The following SLC39A9 variants were observed in gnomAD, a reference collection of about 807,000 sequenced individuals.
SLC39A9 encodes zinc transporter ZIP9.
In SLC39A9, 14 loss-of-function variants were observed where a neutral mutation model predicts 28.4. The ratio of observed to expected loss-of-function variants is 0.49; its 90% CI spans 0.33 to 0.77. The LOEUF (loss-of-function observed/expected upper bound fraction) is 0.77, where lower values mean the gene tolerates loss of function less well. Among genes scored for constraint, SLC39A9 ranks in the 30% least tolerant of loss-of-function variants. The pLI is 0.02. For missense variants in SLC39A9, 283 were observed against 381.1 expected, an observed-to-expected ratio of 0.74 and a Z score of 2.14; for synonymous variants, 119 against 149.6, an observed-to-expected ratio of 0.80 and a Z score of 1.49.
intron 2 of SLC39A9, among the ~76,000 whole-genome samples, chr14:69,440,127 A>C (rs370195625): frequency 6.6e-6 from 1 of 152,092 alleles, no homozygotes; most frequent in East Asian, 1.9e-4. Flanking sequence ...CTTAAAAACC[A>C]TCAGATCTTG....
intron 3 of SLC39A9, among the ~76,000 whole-genome samples, chr14:69,452,630 A>G: frequency 6.6e-6 from 1 of 152,092 alleles, no homozygotes; most frequent in Non-Finnish European, 1.5e-5. Context: ...GTGCCCGGCC[A>G]AGGGTGGTGT....
intron 1 of SLC39A9, among the ~76,000 whole-genome samples, chr14:69,421,001 T>C (rs977508414): frequency 4.6e-5 from 7 of 152,216 alleles, no homozygotes; most frequent in Admixed American, 4.6e-4. Context: ...TCTGTCAACT[T>C]GTCAAAGGAA....
chr14:69,421,864 G>A (rs994310877), intron 1 of SLC39A9, among the ~76,000 whole-genome samples: 16 of 152,152 alleles, frequency 1.1e-4, no homozygotes, highest in Admixed American at 5.9e-4. Context: ...TTGGAAAAGC[G>A]CAGTATTTGG....
intron 2 of SLC39A9, among the ~76,000 whole-genome samples, chr14:69,430,056 A>G (rs1377562055): frequency 6.6e-6 from 1 of 152,126 alleles, no homozygotes; most frequent in Non-Finnish European, 1.5e-5. Context: ...GAGTTTCCTT[A>G]TTACTGAGTT....
chr14:69,409,767 T>C (rs1019999383), intron 1 of SLC39A9, among the ~76,000 whole-genome samples: 2 of 152,246 alleles, frequency 1.3e-5, no homozygotes, highest in East Asian at 1.9e-4. Context: ...GTCTCAAGCA[T>C]TGAGTGTATT....
intron 1 of SLC39A9, among the ~76,000 whole-genome samples, chr14:69,405,090 GTCACAAGAACAGCAAGAACTCACTA>G (rs1378538502): frequency 1.3e-5 from 2 of 152,162 alleles, no homozygotes; most frequent in African/African-American, 2.4e-5. Context: ...AGAACTCACT[GTCACAAGAACAGCAAGAACTCACTA>G]TCACAAGAAC....
chr14:69,442,109 A>G lies in SLC39A9; in HGVS notation c.246A>G (p.Ala82=), dbSNP rs1885075695. The change falls in exon 3 of 7, where the codon GCA becomes GCG. Residue 82 remains alanine (A), a synonymous_variant. Coordinates refer to ENST00000336643, the MANE Select transcript of SLC39A9 (RefSeq NM_018375.5). The stretch of plus-strand genomic sequence containing the variant: ...CAAGTGAAACACATAATGTGATTGC[A>G]TCAGACAAAGCAGCAGAAAAATCAG... ...HQASETHNVI[A]SDKAAEKSVV... 6.2e-7 allele frequency: 1 copy of G among 1,614,248 alleles called. No individual in the cohort carries two copies. Among genetic ancestry groups the G allele is most frequent in the African/African-American group, 1.3e-5 (1 of 75,066 alleles).
chr14:69,445,465 A>C (rs1204587892), intron 3 of SLC39A9, among the ~76,000 whole-genome samples: 3 of 152,218 alleles, frequency 2.0e-5, no homozygotes, highest in Non-Finnish European at 4.4e-5. Flanking sequence ...TACAGTATTA[A>C]TACATATAAC....
At chr14:69,403,433 A>T (rs1294433139) in intron 1 of SLC39A9, among the ~76,000 whole-genome samples, 1 of 152,226 alleles carries the variant, frequency 6.6e-6, no homozygotes, top group Non-Finnish European at 1.5e-5. Context: ...CTGGTAACAG[A>T]GAGCAAGCTG....
chr14:69,399,056 T>A lies in SLC39A9; in HGVS notation c.-314T>A, dbSNP rs1566903374. On this transcript the variant is annotated 5_prime_UTR_variant, in exon 1 of 7. Transcript: ENST00000336643. ...TCCGACAATCGAAGAAATCGATCATTCGCACATTTTCCCCATTGACTTTTC... is the reference window on the plus strand; with the variant it reads ...TCCGACAATCGAAGAAATCGATCATACGCACATTTTCCCCATTGACTTTTC... 1.3e-5 allele frequency: 4 copies of A among 298,090 alleles called. No individual in the cohort carries two copies. The South Asian group carries it at 1.6e-4, about 12-fold the overall frequency. 18.5% of individuals were successfully genotyped at this position (298,090 alleles called of 1,614,324 possible). A position where few individuals can be genotyped will look rare whatever the true frequency, so the allele number is the denominator to read the frequency against.
At position 69,460,675 on chromosome 14, in the gene SLC39A9, T is replaced by A. The variant is rs1257640635; in HGVS notation, c.*2082T>A. On this transcript the variant is annotated 3_prime_UTR_variant, in exon 7 of 7. Transcript: ENST00000336643. Reference sequence around the variant, plus strand: ...TGCTTAAAAGTTTGGCTAGTATATCTTGCTGGATGGAGCCTTGAACTCCGG... The same window carrying A: ...TGCTTAAAAGTTTGGCTAGTATATCATGCTGGATGGAGCCTTGAACTCCGG... The A allele has an allele frequency of 1.0e-6, 1 of 985,460 alleles. No homozygotes were observed. Among genetic ancestry groups the A allele is most frequent in the Non-Finnish European group, 1.2e-6 (1 of 829,942 alleles). 61.0% of individuals were successfully genotyped at this position (985,460 alleles called of 1,614,324 possible). A position where few individuals can be genotyped will look rare whatever the true frequency, so the allele number is the denominator to read the frequency against.
chr14:69,432,376 A>G (rs1884542071), intron 2 of SLC39A9, among the ~76,000 whole-genome samples: 1 of 151,932 alleles, frequency 6.6e-6, no homozygotes, highest in African/African-American at 2.4e-5. Context: ...GGGTCTGTTT[A>G]TGTCTTTTGC....
At chr14:69,432,567 G>T (rs1435241688) in intron 2 of SLC39A9, among the ~76,000 whole-genome samples, 1 of 152,108 alleles carries the variant, frequency 6.6e-6, no homozygotes, top group Non-Finnish European at 1.5e-5. Flanking sequence ...GGTCCTACTT[G>T]TCGGTTTTTG....
intron 3 of SLC39A9, among the ~76,000 whole-genome samples, chr14:69,448,469 G>A (rs1885450940): frequency 6.6e-6 from 1 of 152,068 alleles, no homozygotes. Flanking sequence ...ACCCGGAGAA[G>A]CATCATCACC....
rs139960488 is a variant in SLC39A9, at chr14:69,421,278, T to C, written c.97-2816T>C. On this transcript the variant is annotated intron_variant, in intron 1 of 6. Coordinates refer to ENST00000336643, the MANE Select transcript of SLC39A9 (RefSeq NM_018375.5). ...TCCCTCAGCTGCAGGTCTGTTGGAG[T>C]TTGCTGGAGGTCCACTCCAGATGCT... Among the ~76,000 whole-genome samples, 448 of 152,294 alleles carry C rather than the reference T, an allele frequency of 2.9e-3. 3 individuals carry two copies. Among genetic ancestry groups the C allele is most frequent in the African/African-American group, 0.01 (436 of 41,554 alleles).
intron 2 of SLC39A9, among the ~76,000 whole-genome samples, chr14:69,425,597 ATTTTT>A (rs1448522502): frequency 6.6e-6 from 1 of 151,980 alleles, no homozygotes; most frequent in Non-Finnish European, 1.5e-5. Context: ...TCTTTGTGTT[ATTTTT>A]AATATCAATT....
intron 2 of SLC39A9, among the ~76,000 whole-genome samples, chr14:69,428,262 G>A (rs1357248755): frequency 1.4e-5 from 2 of 148,132 alleles, no homozygotes; most frequent in East Asian, 2.0e-4. Context: ...GCGACAGAGC[G>A]AGACTCTGTC....
intron 1 of SLC39A9, among the ~76,000 whole-genome samples, chr14:69,406,601 T>C (rs1004078261): frequency 6.6e-6 from 1 of 151,480 alleles, no homozygotes; most frequent in African/African-American, 2.4e-5. Context: ...GGCAGGAGAA[T>C]TGCTTGAACC....
rs561785280 is a variant in SLC39A9, at chr14:69,408,638, T to C, written c.96+9173T>C. 5.0e-4 allele frequency among the ~76,000 whole-genome samples: 76 copies of C among 152,354 alleles called. 1 individual carries two copies. The highest frequency in any genetic ancestry group is 1.8e-3 in the African/African-American group (73 of 41,578). ...TTTTTATATGAAGTCTCCTGAATTT[T>C]ATCCTTTGGCTACTTATTCAAATAT... On this transcript the variant is annotated intron_variant, in intron 1 of 6. Coordinates refer to ENST00000336643, the MANE Select transcript of SLC39A9 (RefSeq NM_018375.5).
Sources: allele counts gnomAD v4.1 joint callset (sites outside exome capture counted in the v4.1 genomes callset), GRCh38; gene constraint gnomAD v4.1.1; transcripts MANE v1.5; gene names NCBI Gene and HGNC (gene_info 2026-07-23, HGNC 2026-07-21).